The following PCDHA10 variants were observed in gnomAD, a reference collection of about 807,000 sequenced individuals.
PCDHA10 encodes protocadherin alpha-10.
In PCDHA10, 45 loss-of-function variants were observed where a neutral mutation model predicts 61.2. That is an observed-to-expected ratio of 0.74 (90% CI 0.58 to 0.94). The LOEUF is 0.94. Among genes scored for constraint, PCDHA10 ranks in the 40% least tolerant of loss-of-function variants. PCDHA10 has a pLI of 0.00. For synonymous variants in PCDHA10, 602 were observed against 548.8 expected (o/e 1.10, Z -1.35); for missense variants, 1,278 against 1,236.2 (o/e 1.03, Z -0.51).
At chr5:140,917,653 G>A (rs1400141765) in intron 1 of PCDHA10, among the ~76,000 whole-genome samples, 1 of 152,160 alleles carries the variant, frequency 6.6e-6, no homozygotes, top group Non-Finnish European at 1.5e-5. Flanking sequence ...GCAATATTGA[G>A]TAGGAAGTCC....
Position 140,857,574 on chromosome 5 carries a change from T to G in PCDHA10, c.1526T>G (p.Val509Gly), listed in dbSNP as rs1452756689. Residue 509 changes from valine (V) to glycine (G), a missense_variant, in exon 1 of 4, where the codon GTG becomes GGG. Val to Gly is a moderately radical substitution (Grantham distance 109). Coordinates refer to ENST00000307360, the MANE Select transcript of PCDHA10 (RefSeq NM_018901.4). ...CGCTCGCTGTCGAGCTACGTGTCGGTGCACGCGGAGAGCGGCAAGGTGTAC... is the reference window on the plus strand; with the variant it reads ...CGCTCGCTGTCGAGCTACGTGTCGGGGCACGCGGAGAGCGGCAAGGTGTAC... ...GERSLSSYVS[V>G]HAESGKVYAL... 26 of 1,596,616 alleles carry G rather than the reference T, an allele frequency of 1.6e-5. 3 individuals carry two copies. Among genetic ancestry groups the G allele is most frequent in the Non-Finnish European group, 2.1e-5 (25 of 1,167,676 alleles).
chr5:140,889,893 C>A (rs1275511475), intron 1 of PCDHA10, among the ~76,000 whole-genome samples: 2 of 152,158 alleles, frequency 1.3e-5, no homozygotes, highest in Admixed American at 1.3e-4. Flanking sequence ...AGAATTCTGA[C>A]TACCTTGAGA....
At chr5:140,893,892 C>A (rs1554185839) in intron 1 of PCDHA10, among the ~76,000 whole-genome samples, 1 of 152,184 alleles carries the variant, frequency 6.6e-6, no homozygotes, top group Non-Finnish European at 1.5e-5. Flanking sequence ...CAGAAAGTTA[C>A]TTTACCTTCT....
chr5:140,947,192 C>T (rs958443362), intron 1 of PCDHA10, among the ~76,000 whole-genome samples: 2 of 151,038 alleles, frequency 1.3e-5, no homozygotes, highest in Admixed American at 6.6e-5. Flanking sequence ...GTATACTACA[C>T]AGCCTTAAAA....
intron 3 of PCDHA10, among the ~76,000 whole-genome samples, chr5:140,996,287 A>C (rs1200123512): frequency 2.0e-5 from 3 of 152,258 alleles, no homozygotes; most frequent in African/African-American, 4.8e-5. Context: ...AAATTTCAAG[A>C]AGCACAGATT....
intron 1 of PCDHA10, chr5:140,867,470 T>C (rs1010353201): frequency 2.0e-5 from 3 of 152,066 alleles, no homozygotes; most frequent in Non-Finnish European, 4.4e-5. Context: ...ATGACAACAT[T>C]GGGAAAAGAG....
chr5:140,915,234 A>G (rs1373292519), intron 1 of PCDHA10, among the ~76,000 whole-genome samples: 1 of 152,144 alleles, frequency 6.6e-6, no homozygotes, highest in Non-Finnish European at 1.5e-5. Flanking sequence ...GGCATGAGCC[A>G]CCATGCCTGG....
intron 1 of PCDHA10, among the ~76,000 whole-genome samples, chr5:140,977,973 A>G (rs1336063493): frequency 4.6e-5 from 7 of 152,178 alleles, no homozygotes; most frequent in Admixed American, 3.9e-4. Flanking sequence ...TCCGCCCATG[A>G]AAACGCATCT....
chr5:140,966,793 G>A lies in PCDHA10; in HGVS notation c.2389-12156G>A, dbSNP rs1456903567. 4.6e-6 allele frequency: 7 copies of A among 1,532,300 alleles called. No homozygotes were observed. The Admixed American group carries it at 5.8e-5, about 13-fold the overall frequency. The allele number at this position is 1,532,300 out of a possible 1,614,324, so 94.9% of individuals were successfully genotyped here. A position where few individuals can be genotyped will look rare whatever the true frequency, so the allele number is the denominator to read the frequency against. ...TGGAGCAGGCGGGCACCAGACCTGC[G>A]GCGACAGAGCATCCACGGCTCCGGC... On this transcript the variant is annotated intron_variant, in intron 1 of 3. Transcript: ENST00000307360.
intron 1 of PCDHA10, chr5:140,928,095 G>T (rs782045221): frequency 1.9e-6 from 3 of 1,614,190 alleles, no homozygotes; most frequent in Non-Finnish European, 1.7e-6. Flanking sequence ...TGATTGATGG[G>T]CCCCTGGACC....
At chr5:140,917,370 C>T (rs571895312) in intron 1 of PCDHA10, among the ~76,000 whole-genome samples, 1 of 150,338 alleles carries the variant, frequency 6.7e-6, no homozygotes, top group Non-Finnish European at 1.5e-5. Context: ...CTATCTTGCT[C>T]CACCTCAATA....
chr5:140,870,167 C>G, intron 1 of PCDHA10: 1 of 1,614,134 alleles, frequency 6.2e-7, no homozygotes, highest in Non-Finnish European at 8.5e-7. Flanking sequence ...ACTTCCTTGT[C>G]CCTCCCAGTA....
At position 140,859,256 on chromosome 5, in the gene PCDHA10, G is replaced by T. The variant is rs182882850; in HGVS notation, c.2388+820G>T. ...TCATGCTTATGTTTAATAATGAAGA[G>T]AATTTGAACACTTTTTACTTTTGAG... is the stretch of plus-strand genomic sequence containing the variant. On this transcript the variant is annotated intron_variant, in intron 1 of 3. Coordinates refer to ENST00000307360, the MANE Select transcript of PCDHA10 (RefSeq NM_018901.4). The T allele has an allele frequency of 2.0e-4, 26 of 131,456 alleles. 1 individual carries two copies. The East Asian group carries it at 5.2e-3, about 26-fold the overall frequency. The allele number at this position is 131,456 out of a possible 1,614,324, so 8.1% of individuals were successfully genotyped here.
chr5:140,876,791 G>A (rs782617794), intron 1 of PCDHA10: 1 of 1,614,242 alleles, frequency 6.2e-7, no homozygotes, highest in Non-Finnish European at 8.5e-7. Context: ...GCCACGGCTA[G>A]AGTGTCCGTG....
intron 1 of PCDHA10, chr5:140,882,142 G>T: frequency 1.3e-6 from 2 of 1,488,266 alleles, no homozygotes; most frequent in Non-Finnish European, 1.8e-6. Flanking sequence ...AGAAAATATA[G>T]CAGAAAGCGG....
chr5:140,960,848 A>G (rs2095575135), intron 1 of PCDHA10, among the ~76,000 whole-genome samples: 1 of 152,212 alleles, frequency 6.6e-6, no homozygotes, highest in Non-Finnish European at 1.5e-5. Context: ...GTTTAATGGC[A>G]ACTATAAGCC....
At chr5:140,989,565 G>A (rs782538666) in intron 3 of PCDHA10, among the ~76,000 whole-genome samples, 12 of 152,134 alleles carry the variant, frequency 7.9e-5, no homozygotes, top group South Asian at 4.1e-4. Context: ...TTGTGGCTCC[G>A]GCAAGCCCTG....
intron 1 of PCDHA10, among the ~76,000 whole-genome samples, chr5:140,885,818 G>C (rs2060726718): frequency 6.6e-6 from 1 of 151,914 alleles, no homozygotes; most frequent in African/African-American, 2.4e-5. Flanking sequence ...ATTTGTATTT[G>C]ATCTTCTTTG....
intron 3 of PCDHA10, among the ~76,000 whole-genome samples, chr5:141,002,135 G>C (rs1265359430): frequency 2.6e-5 from 4 of 152,236 alleles, no homozygotes; most frequent in Admixed American, 2.6e-4. Flanking sequence ...AGCCTTTGCC[G>C]GCTGCACTGA....
Sources: gnomAD v4.1 joint callset for allele counts (sites outside exome capture counted in the v4.1 genomes callset) on GRCh38, gnomAD v4.1.1 for gene constraint, MANE v1.5 for transcripts, NCBI Gene and HGNC (gene_info 2026-07-23, HGNC 2026-07-21) for gene names.